The following WWOX variants were observed in gnomAD, a reference collection of about 807,000 sequenced individuals.
WWOX encodes the protein WW domain-containing oxidoreductase.
Under a neutral mutation model 46.2 loss-of-function variants are expected in WWOX, and 69 were observed. The observed-to-expected ratio is 1.49, with a 90% CI of 1.23 to 1.82. WWOX has a LOEUF of 1.82. Ranked by LOEUF, WWOX falls within the 40% of genes most tolerant of loss-of-function variation. The pLI, the probability that WWOX is intolerant of heterozygous loss-of-function variation, is 0.00. For missense variants in WWOX, 919 were observed against 542.6 expected (o/e 1.69, Z -6.89); for synonymous variants, 359 against 202.6 (o/e 1.77, Z -6.56).
chr16:78,138,397 CGTGATGTGG>C (rs1343146379), intron 4 of WWOX, among the ~76,000 whole-genome samples: 3 of 151,874 alleles, frequency 2.0e-5, no homozygotes, highest in Non-Finnish European at 2.9e-5. Flanking sequence ...AAGATGTGCT[CGTGATGTGG>C]TTAGCTCAGA....
chr16:78,419,389 C>A (rs957802419), intron 6 of WWOX, among the ~76,000 whole-genome samples: 1 of 151,922 alleles, frequency 6.6e-6, no homozygotes, highest in Non-Finnish European at 1.5e-5. Flanking sequence ...TCAAAACTTT[C>A]TATAAATCCT....
intron 8 of WWOX, among the ~76,000 whole-genome samples, chr16:78,860,108 G>A (rs2052681206): frequency 6.6e-6 from 1 of 152,136 alleles, no homozygotes; most frequent in African/African-American, 2.4e-5. Flanking sequence ...ACTTTTGGCT[G>A]GAATTGTGGA....
At chr16:78,354,863 G>C (rs1439713999) in intron 5 of WWOX, among the ~76,000 whole-genome samples, 2 of 152,164 alleles carry the variant, frequency 1.3e-5, no homozygotes, top group Non-Finnish European at 2.9e-5. Flanking sequence ...GCCAGGGGTG[G>C]TGGTGCATGC....
chr16:78,526,168 TTCAGTTTCA>T (rs1324290912), intron 8 of WWOX: 3 of 152,242 alleles, frequency 2.0e-5, no homozygotes, highest in Non-Finnish European at 2.9e-5. Flanking sequence ...GAGGAAGGGC[TTCAGTTTCA>T]CCAGTAGTGG....
At chr16:78,517,132 A>G (rs773542287) in intron 8 of WWOX, among the ~76,000 whole-genome samples, 1 of 152,254 alleles carries the variant, frequency 6.6e-6, no homozygotes, top group East Asian at 1.9e-4. Flanking sequence ...TGAAGCAGGT[A>G]TCTGAGAATA....
At chr16:78,719,564 T>G (rs895329391) in intron 8 of WWOX, among the ~76,000 whole-genome samples, 1 of 152,322 alleles carries the variant, frequency 6.6e-6, no homozygotes, top group African/African-American at 2.4e-5. Flanking sequence ...GAAGGGGGAC[T>G]TTAAGGTTAC....
intron 8 of WWOX, among the ~76,000 whole-genome samples, chr16:78,543,430 T>A (rs2043948213): frequency 6.6e-6 from 1 of 152,216 alleles, no homozygotes; most frequent in Non-Finnish European, 1.5e-5. Flanking sequence ...TAAGAGGTAC[T>A]GTATTGTTGG....
intron 8 of WWOX, among the ~76,000 whole-genome samples, chr16:78,878,755 C>T (rs1210879163): frequency 6.6e-6 from 1 of 151,990 alleles, no homozygotes; most frequent in Admixed American, 6.6e-5. Flanking sequence ...AGTGAAGTTG[C>T]TTGCTTGAAA....
At chr16:78,495,594 C>T (rs1008670732) in intron 8 of WWOX, among the ~76,000 whole-genome samples, 5 of 151,082 alleles carry the variant, frequency 3.3e-5, no homozygotes, top group African/African-American at 1.2e-4. Flanking sequence ...CTGCAACCTC[C>T]ACCTCCTGGG....
At chr16:78,590,100 A>G (rs939838803) in intron 8 of WWOX, among the ~76,000 whole-genome samples, 5 of 152,076 alleles carry the variant, frequency 3.3e-5, no homozygotes, top group Non-Finnish European at 5.9e-5. Flanking sequence ...AAACACATAT[A>G]GGATAGGAAA....
chr16:78,717,797 G>A (rs1484152934), intron 8 of WWOX, among the ~76,000 whole-genome samples: 1 of 152,130 alleles, frequency 6.6e-6, no homozygotes, highest in African/African-American at 2.4e-5. Flanking sequence ...TATTTAGAAG[G>A]ATGCCCTGTG....
At chr16:79,108,226 G>T (rs1205326296) in intron 8 of WWOX, among the ~76,000 whole-genome samples, 1 of 152,234 alleles carries the variant, frequency 6.6e-6, no homozygotes, top group Non-Finnish European at 1.5e-5. Context: ...TTCTGGCTTT[G>T]ACTAGACCCT....
At position 78,883,632 on chromosome 16, in the gene WWOX, G is replaced by A. The variant is rs971421013; in HGVS notation, c.1057-327976G>A. ...CCAGCTACTCAGGAGGCTGAAGCAG[G>A]AGAATTGCTTGAATCCAGGAGATGG... is the stretch of plus-strand genomic sequence containing the variant. On this transcript the variant is annotated intron_variant, in intron 8 of 8. Transcript: ENST00000566780. Among the ~76,000 whole-genome samples the A allele has an allele frequency of 3.3e-5, 5 of 152,028 alleles. No homozygotes were observed. In the East Asian group the frequency reaches 9.7e-4, roughly 30 times the overall value.
At chr16:78,832,850 A>G (rs972823078) in intron 8 of WWOX, among the ~76,000 whole-genome samples, 1 of 152,136 alleles carries the variant, frequency 6.6e-6, no homozygotes, top group African/African-American at 2.4e-5. Context: ...GATGACATCC[A>G]TTTATAATTA....
intron 8 of WWOX, among the ~76,000 whole-genome samples, chr16:78,645,876 T>C (rs1015979796): frequency 6.6e-6 from 1 of 152,138 alleles, no homozygotes; most frequent in African/African-American, 2.4e-5. Context: ...TTGTTCTGAC[T>C]TTTTCGATTT....
intron 8 of WWOX, among the ~76,000 whole-genome samples, chr16:78,606,254 T>G (rs893946391): frequency 1.8e-4 from 27 of 152,368 alleles, no homozygotes; most frequent in African/African-American, 6.5e-4. Flanking sequence ...TAGTCTCTTT[T>G]TTAATTTGGT....
intron 8 of WWOX, among the ~76,000 whole-genome samples, chr16:79,018,731 T>A (rs1567489536): frequency 6.6e-6 from 1 of 152,220 alleles, no homozygotes; most frequent in Admixed American, 6.5e-5. Flanking sequence ...TGCAGAGCCA[T>A]AAACCAGGGT....
chr16:79,058,990 G>T (rs1338483810), intron 8 of WWOX, among the ~76,000 whole-genome samples: 1 of 152,150 alleles, frequency 6.6e-6, no homozygotes, highest in South Asian at 2.1e-4. Flanking sequence ...GGAAAACAAT[G>T]ACTATTATAC....
At chr16:78,511,810 G>A (rs939064131) in intron 8 of WWOX, among the ~76,000 whole-genome samples, 6 of 152,306 alleles carry the variant, frequency 3.9e-5, no homozygotes, top group South Asian at 2.1e-4. Context: ...GCAGACATGG[G>A]ATGGCTTTTG....
Sources: gnomAD v4.1 joint callset for allele counts (sites outside exome capture counted in the v4.1 genomes callset) on GRCh38, gnomAD v4.1.1 for gene constraint, MANE v1.5 for transcripts, NCBI Gene and HGNC (gene_info 2026-07-23, HGNC 2026-07-21) for gene names.